ARHGAP32: variants seen among roughly 807,000 people sequenced by gnomAD.
ARHGAP32 encodes rho GTPase-activating protein 32.
In ARHGAP32, 51 loss-of-function variants were observed where a neutral mutation model predicts 186.5. That is an observed-to-expected ratio of 0.27 (90% CI 0.22 to 0.35). The LOEUF (loss-of-function observed/expected upper bound fraction) is 0.35, where lower values mean the gene tolerates loss of function less well. Among genes scored for constraint, ARHGAP32 ranks in the 10% least tolerant of loss-of-function variants. The probability of loss-of-function intolerance (pLI) is 1.00; values close to 1 mark genes in which losing one functional copy is unlikely to be tolerated. For missense variants in ARHGAP32, 2,186 were observed against 2,623.5 expected, an observed-to-expected ratio of 0.83 and a Z score of 3.64; for synonymous variants, 950 against 964.3, an observed-to-expected ratio of 0.99 and a Z score of 0.27.
chr11:129,070,030 C>T (rs1940821544), intron 6 of ARHGAP32, among the ~76,000 whole-genome samples: 3 of 151,830 alleles, frequency 2.0e-5, no homozygotes, highest in African/African-American at 7.3e-5. Flanking sequence ...TAATAGATTT[C>T]TAGAGCTACA....
intron 2 of ARHGAP32, among the ~76,000 whole-genome samples, chr11:129,155,845 G>A (rs550547375): frequency 6.6e-6 from 1 of 152,332 alleles, no homozygotes; most frequent in East Asian, 1.9e-4. Flanking sequence ...GCAGAAGGCG[G>A]GTGATCTCTG....
chr11:129,107,868 C>CAA (rs71057924), intron 5 of ARHGAP32, among the ~76,000 whole-genome samples: 21,852 of 91,396 alleles, frequency 0.24, 3,052 homozygotes, highest in Admixed American at 0.29. Context: ...AACTATGTTT[C>CAA]AAAAAAAAAA....
rs76925156 is a variant in ARHGAP32 at position 129,180,264 on chromosome 11, T to C, written c.116+11819A>G. On this transcript the variant is annotated intron_variant, in intron 1 of 22. Coordinates refer to ENST00000682385, the MANE Select transcript of ARHGAP32 (RefSeq NM_001378024.1). ...AACAGAAGTCAGACATTAGAGTACA[T>C]GCTATATAATTCTATTGGCATTAAG... Among the ~76,000 whole-genome samples, 191 of 152,286 alleles carry C rather than the reference T, an allele frequency of 1.3e-3. 1 individual carries two copies. The highest frequency in any genetic ancestry group is 2.4e-3 in the Admixed American group (36 of 15,294).
intron 6 of ARHGAP32, among the ~76,000 whole-genome samples, chr11:129,086,604 A>C (rs12224947): frequency 1.3e-5 from 2 of 151,970 alleles, no homozygotes; most frequent in African/African-American, 4.8e-5. Context: ...GGCGGATCAC[A>C]AGGTCAGGAG....
At chr11:128,992,898 TTTTA>T (rs1186272696) in intron 12 of ARHGAP32, among the ~76,000 whole-genome samples, 1 of 152,238 alleles carries the variant, frequency 6.6e-6, no homozygotes, top group African/African-American at 2.4e-5. Context: ...GTGGGCAGAT[TTTTA>T]AACAATCAGT....
chr11:129,095,475 G>A (rs1941704488), intron 5 of ARHGAP32, among the ~76,000 whole-genome samples: 1 of 152,178 alleles, frequency 6.6e-6, no homozygotes, highest in African/African-American at 2.4e-5. Context: ...GGGATATCGG[G>A]TGAGTAAACC....
At chr11:128,996,834 T>A (rs541576099) in intron 12 of ARHGAP32, among the ~76,000 whole-genome samples, 23 of 152,148 alleles carry the variant, frequency 1.5e-4, no homozygotes, top group Admixed American at 1.5e-3. Flanking sequence ...CAGGCTGGAG[T>A]GCAGTGGCGT....
chr11:129,176,915 AAGGCAAGAAAT>A (rs1943928842), intron 1 of ARHGAP32, among the ~76,000 whole-genome samples: 1 of 152,170 alleles, frequency 6.6e-6, no homozygotes, highest in Admixed American at 6.5e-5. Flanking sequence ...AAGCTGGCAG[AAGGCAAGAAAT>A]AACTAAAATC....
chr11:128,976,078 C>CATATAT (rs71472082), intron 20 of ARHGAP32, among the ~76,000 whole-genome samples: 153 of 145,838 alleles, frequency 1.0e-3, no homozygotes, highest in African/African-American at 2.5e-3. Context: ...CTCTGTCTAA[C>CATATAT]ATATATATAT....
Position 128,978,162 on chromosome 11 carries a change from C to A in ARHGAP32, c.2122+608G>T, listed in dbSNP as rs184206275. 3.5e-4 allele frequency among the ~76,000 whole-genome samples: 53 copies of A among 152,244 alleles called. No individual in the cohort carries two copies. The East Asian group carries it at 8.5e-3, about 24-fold the overall frequency. The stretch of plus-strand genomic sequence containing the variant: ...ATCAAAATAGCTAGCACATGCTCTA[C>A]ATGATTGCAAACTGAATGACGAATT... On this transcript the variant is annotated intron_variant, in intron 19 of 22. Transcript: ENST00000682385.
rs76951423 is a variant in ARHGAP32, at chr11:128,987,674, G to A, written c.1298+349C>T. On this transcript the variant is annotated intron_variant, in intron 13 of 22. Transcript: ENST00000682385. ...TCAGGGTCAAAGGAGATTAGAAAATGTTCCATTCCCATCCATTTTAATTAA... is the reference window on the plus strand; with the variant it reads ...TCAGGGTCAAAGGAGATTAGAAAATATTCCATTCCCATCCATTTTAATTAA... Among the ~76,000 whole-genome samples, 958 of 152,234 alleles carry A rather than the reference G, an allele frequency of 6.3e-3. 9 individuals carry two copies. Among genetic ancestry groups the A allele is most frequent in the African/African-American group, 0.022 (924 of 41,550 alleles).
chr11:129,228,292 C>G (rs1395181524), intron 1 of ARHGAP32, among the ~76,000 whole-genome samples: 2 of 151,800 alleles, frequency 1.3e-5, no homozygotes, highest in Admixed American at 6.6e-5. Context: ...ACATCAATAA[C>G]CTAAAATTTA....
intron 14 of ARHGAP32, 39 bp from the exon 15 acceptor site, chr11:128,986,124 G>T: frequency 6.8e-7 from 1 of 1,470,490 alleles, no homozygotes; most frequent in Non-Finnish European, 9.3e-7. Context: ...AGTGAGCTCT[G>T]TTAGTAAAAA....
chr11:129,224,070 C>G (rs1944748917), intron 1 of ARHGAP32, among the ~76,000 whole-genome samples: 2 of 152,158 alleles, frequency 1.3e-5, no homozygotes, highest in Non-Finnish European at 2.9e-5. Flanking sequence ...AACCAAGAAA[C>G]AGCTGATCTA....
intron 5 of ARHGAP32, among the ~76,000 whole-genome samples, chr11:129,120,461 C>T (rs892767071): frequency 2.0e-5 from 3 of 152,078 alleles, no homozygotes; most frequent in African/African-American, 7.2e-5. Flanking sequence ...TTGTACATTA[C>T]ATATCATTAT....
intron 1 of ARHGAP32, among the ~76,000 whole-genome samples, chr11:129,243,240 G>GTTTTAACTT (rs1488697427): frequency 6.6e-6 from 1 of 152,176 alleles, no homozygotes; most frequent in African/African-American, 2.4e-5. Context: ...CCAAGAGCTA[G>GTTTTAACTT]TTTTAACTTC....
chr11:129,041,795 G>A (rs1939604347), intron 10 of ARHGAP32, among the ~76,000 whole-genome samples: 1 of 152,120 alleles, frequency 6.6e-6, no homozygotes, highest in African/African-American at 2.4e-5. Context: ...GAGATAAACA[G>A]CCTGGAAACA....
intron 10 of ARHGAP32, among the ~76,000 whole-genome samples, chr11:129,056,577 A>G (rs1477568319): frequency 2.0e-5 from 3 of 152,080 alleles, no homozygotes; most frequent in African/African-American, 4.8e-5. Flanking sequence ...TCACAATACC[A>G]CCACTATATA....
At chr11:129,092,808 C>T (rs565604383) in intron 6 of ARHGAP32, among the ~76,000 whole-genome samples, 46 of 151,934 alleles carry the variant, frequency 3.0e-4, no homozygotes, top group Non-Finnish European at 4.6e-4. Context: ...ATATAAATGC[C>T]CATATCTTAC....
Sources: allele counts gnomAD v4.1 joint callset (sites outside exome capture counted in the v4.1 genomes callset), GRCh38; gene constraint gnomAD v4.1.1; transcripts MANE v1.5; gene names NCBI Gene and HGNC (gene_info 2026-07-23, HGNC 2026-07-21).